The following NUP210 variants were observed in gnomAD, a reference collection of about 807,000 sequenced individuals.
The protein encoded by NUP210 is nuclear pore membrane glycoprotein 210.
Under a neutral mutation model 196.0 loss-of-function variants are expected in NUP210, and 151 were observed. The ratio of observed to expected loss-of-function variants is 0.77; its 90% CI spans 0.67 to 0.88. NUP210 has a LOEUF of 0.88. NUP210 is among the 40% of genes least tolerant of loss of function. The pLI is 0.00. For missense variants in NUP210, 2,314 were observed against 2,493.7 expected, an observed-to-expected ratio of 0.93 and a Z score of 1.53; for synonymous variants, 1,070 against 1,052.7, an observed-to-expected ratio of 1.02 and a Z score of -0.32.
chr3:13,353,426 T>G, intron 18 of NUP210, 128 bp downstream of exon 18: 1 of 744,022 alleles, frequency 1.3e-6, no homozygotes, highest in Non-Finnish European at 2.3e-6. Flanking sequence ...TCCAAGAGGC[T>G]GGGGTGGGGG....
Position 13,323,383 on chromosome 3 carries a change from A to G in NUP210, c.4694T>C (p.Ile1565Thr). Residue 1565 changes from isoleucine (I) to threonine (T), a missense_variant, in exon 34 of 40, where the codon ATC becomes ACC. Transcript: ENST00000254508. This position sits in a 1 kb window ranked among gnomAD's most constrained non-coding sequence, Gnocchi z 4.3. ...QRIMARHLHP[I>T]QTSFQEATAS... ...TGTAGCCTCCTGGAAGCTGGTCTGGATGGGGTGGAGGTGACGGGCCATGAT... is the reference window on the plus strand; with the variant it reads ...TGTAGCCTCCTGGAAGCTGGTCTGGGTGGGGTGGAGGTGACGGGCCATGAT... The G allele has an allele frequency of 6.2e-7, 1 of 1,614,014 alleles. No homozygotes were observed. The highest frequency in any genetic ancestry group is 8.5e-7 in the Non-Finnish European group (1 of 1,179,956).
chr3:13,401,259 C>CAAAAAAAAA (rs71066952), intron 1 of NUP210, among the ~76,000 whole-genome samples: 13 of 43,824 alleles, frequency 3.0e-4, no homozygotes, highest in South Asian at 1.1e-3. Flanking sequence ...GACTCTGGCT[C>CAAAAAAAAA]AAAAAAAAAA....
At chr3:13,359,696 C>G (rs956481871) in intron 15 of NUP210, among the ~76,000 whole-genome samples, 1 of 152,204 alleles carries the variant, frequency 6.6e-6, no homozygotes, top group Non-Finnish European at 1.5e-5. Context: ...CTCACCCTCC[C>G]CGGGGAAGGA....
chr3:13,405,042 A>C (rs1699960988), intron 1 of NUP210, among the ~76,000 whole-genome samples: 1 of 152,190 alleles, frequency 6.6e-6, no homozygotes, highest in Non-Finnish European at 1.5e-5. Context: ...TTTTATTAAA[A>C]TAAAAGTGTG....
In NUP210 at chr3:13,384,277, T is replaced by G. The variant is rs530762873; in HGVS notation, c.817+1998A>C. ...CGCCCGGCCGGCCCTGTTGTTATAATTAGCTTTTTTCTGGGTTTCCTTTGG... is the reference window on the plus strand; with the variant it reads ...CGCCCGGCCGGCCCTGTTGTTATAAGTAGCTTTTTTCTGGGTTTCCTTTGG... On this transcript the variant is annotated intron_variant, in intron 6 of 39. Coordinates refer to ENST00000254508, the MANE Select transcript of NUP210 (RefSeq NM_024923.4). Among the ~76,000 whole-genome samples, 8 of 152,330 alleles carry G rather than the reference T, an allele frequency of 5.3e-5. No homozygotes were observed. In the South Asian group the frequency reaches 1.7e-3, roughly 32 times the overall value.
chr3:13,324,984 A>T (rs1402352532), intron 33 of NUP210, among the ~76,000 whole-genome samples: 6 of 152,234 alleles, frequency 3.9e-5, no homozygotes. Context: ...GCTCAGTCAT[A>T]GCCTCGCAGT....
At chr3:13,407,557 A>G (rs7643751) in intron 1 of NUP210, among the ~76,000 whole-genome samples, 30,218 of 151,984 alleles carry the variant, frequency 0.2, 4,411 homozygotes, top group African/African-American at 0.41. Context: ...CCTCTTTTCC[A>G]AAGCCCCTGC....
intron 11 of NUP210, among the ~76,000 whole-genome samples, chr3:13,375,000 T>A (rs1042697087): frequency 2.0e-5 from 3 of 152,246 alleles, no homozygotes; most frequent in Admixed American, 2.0e-4. Flanking sequence ...GTGATGAGGT[T>A]GGAGATACTT....
chr3:13,399,265 C>CAAAAA (rs35136269), intron 2 of NUP210, among the ~76,000 whole-genome samples: 24 of 65,340 alleles, frequency 3.7e-4, no homozygotes, highest in African/African-American at 1.2e-3. Context: ...GACTCTGTCT[C>CAAAAA]AAAAAAAAAA....
intron 3 of NUP210, among the ~76,000 whole-genome samples, chr3:13,391,572 C>G (rs1354471902): frequency 2.0e-5 from 3 of 151,258 alleles, no homozygotes; most frequent in Admixed American, 2.0e-4. Flanking sequence ...CCTGCTGTGA[C>G]TCCCTGCCCT....
In NUP210 at chr3:13,354,091, TG is replaced by T. The variant is rs1436525048; in HGVS notation, c.2344del (p.His782ThrfsTer24). 1 of 1,594,150 alleles carries T rather than the reference TG, an allele frequency of 6.3e-7. No homozygotes were observed. ...QNKQVVPVSS[H>X]RNPRLDLAAY... ...AGCCAGGTCCAGCCGGGGGTTGCGG[TG>T]GCTGGACACTGGGACCTGCAGGGAA... is the stretch of plus-strand genomic sequence containing the variant. On this transcript the variant is annotated frameshift_variant, in exon 17 of 40. Transcript: ENST00000254508. LOFTEE classifies it high-confidence loss of function.
Position 13,373,741 on chromosome 3 carries a change from G to T in NUP210, c.1564C>A (p.Pro522Thr), listed in dbSNP as rs753826630. The change falls in exon 12 of 40, where the codon CCA becomes ACA. Residue 522 changes from proline to threonine, a missense_variant. Physicochemically the swap from Pro to Thr is conservative, Grantham distance 38. Coordinates refer to ENST00000254508, the MANE Select transcript of NUP210 (RefSeq NM_024923.4). ...SVIQAHDVQN[P>T]LHFGEMKVYV... ...ACCTTCATCTCACCGAAATGGAGTGGGTTCTGCACATCATGTGCCTGGATC... is the reference window on the plus strand; with the variant it reads ...ACCTTCATCTCACCGAAATGGAGTGTGTTCTGCACATCATGTGCCTGGATC... 6.2e-7 allele frequency: 1 copy of T among 1,614,146 alleles called. No homozygotes were observed. The highest frequency in any genetic ancestry group is 8.5e-7 in the Non-Finnish European group (1 of 1,180,006).
intron 1 of NUP210, among the ~76,000 whole-genome samples, chr3:13,403,706 CTT>C (rs1161785722): frequency 6.6e-6 from 1 of 152,190 alleles, no homozygotes; most frequent in Non-Finnish European, 1.5e-5. Flanking sequence ...GCTAAATGCT[CTT>C]GTGACCTTCT....
intron 18 of NUP210, among the ~76,000 whole-genome samples, chr3:13,352,552 G>C (rs1239096437): frequency 6.6e-6 from 1 of 152,242 alleles, no homozygotes; most frequent in African/African-American, 2.4e-5. Context: ...CATCGGGGGA[G>C]GGTCCCCTGG....
intron 16 of NUP210, 117 bp from the exon 17 acceptor site, chr3:13,354,224 G>T: frequency 1.2e-6 from 1 of 850,668 alleles, no homozygotes. Flanking sequence ...GTGCTGGTGA[G>T]GGAATGGGAT....
chr3:13,354,228 A>C, intron 16 of NUP210, 121 bp from the exon 17 acceptor site: 5 of 820,548 alleles, frequency 6.1e-6, no homozygotes, highest in Non-Finnish European at 9.7e-6. Flanking sequence ...TGGTGAGGGA[A>C]TGGGATATGC....
intron 6 of NUP210, among the ~76,000 whole-genome samples, chr3:13,384,412 A>G (rs1382849023): frequency 6.6e-6 from 1 of 152,168 alleles, no homozygotes; most frequent in Non-Finnish European, 1.5e-5. Context: ...TTCCTCATGT[A>G]TGAAACAGGG....
intron 6 of NUP210, among the ~76,000 whole-genome samples, chr3:13,381,226 G>A (rs1398389780): frequency 6.6e-6 from 1 of 152,194 alleles, no homozygotes; most frequent in East Asian, 1.9e-4. Flanking sequence ...GATTAATGAA[G>A]CACTAGCTTC....
chr3:13,390,833 C>T (rs976725190), intron 4 of NUP210, among the ~76,000 whole-genome samples: 10 of 152,226 alleles, frequency 6.6e-5, no homozygotes, highest in African/African-American at 1.9e-4. Context: ...TGAGACCCAC[C>T]GGCACAGCTG....
Sources: allele counts gnomAD v4.1 joint callset (sites outside exome capture counted in the v4.1 genomes callset), GRCh38; gene constraint gnomAD v4.1.1; non-coding constraint Gnocchi (gnomAD v3.1); transcripts MANE v1.5; gene names NCBI Gene and HGNC (gene_info 2026-07-23, HGNC 2026-07-21).